The following RALYL variants were observed in gnomAD, a reference collection of about 807,000 sequenced individuals.
The protein encoded by RALYL is RALY RNA binding protein like.
In RALYL, 29 loss-of-function variants were observed where a neutral mutation model predicts 35.1. The ratio of observed to expected loss-of-function variants is 0.83; its 90% CI spans 0.61 to 1.13. The LOEUF (loss-of-function observed/expected upper bound fraction) is 1.13. Ranked by LOEUF, RALYL falls within the 50% of genes most tolerant of loss-of-function variation. The pLI is 0.00. For missense variants in RALYL, 359 were observed against 360.4 expected (o/e 1.00, Z 0.03); for synonymous variants, 120 against 127.6 (o/e 0.94, Z 0.40).
chr8:84,196,293 G>A (rs1815256691), intron 1 of RALYL, among the ~76,000 whole-genome samples: 1 of 152,092 alleles, frequency 6.6e-6, no homozygotes, highest in Non-Finnish European at 1.5e-5. Flanking sequence ...AGGGGAGAAA[G>A]GAAATGGAAG....
chr8:84,561,419 G>T lies in RALYL; in HGVS notation c.256+31842G>T, dbSNP rs558464790. 9.9e-5 allele frequency among the ~76,000 whole-genome samples: 15 copies of T among 151,964 alleles called. No individual in the cohort carries two copies. The South Asian group carries it at 3.1e-3, about 32-fold the overall frequency. On this transcript the variant is annotated intron_variant, in intron 2 of 8. Transcript: ENST00000521268. ...GTATGTTTAAAAATGAGGTCCGGTAGTCCCCCCTATCTGTGGCCAATATAT... is the reference window on the plus strand; with the variant it reads ...GTATGTTTAAAAATGAGGTCCGGTATTCCCCCCTATCTGTGGCCAATATAT...
At chr8:84,679,777 C>G (rs1194861582) in intron 2 of RALYL, 3 of 513,922 alleles carry the variant, frequency 5.8e-6, no homozygotes, top group Non-Finnish European at 7.8e-6. Context: ...ACTGATGAAG[C>G]CAGGGAAATT....
chr8:84,696,654 G>A (rs1213371513), intron 2 of RALYL, among the ~76,000 whole-genome samples: 1 of 151,178 alleles, frequency 6.6e-6, no homozygotes. Flanking sequence ...AACTAAAGAA[G>A]TTTTGAAAAT....
chr8:84,801,644 T>TATAG (rs942967786), intron 3 of RALYL, among the ~76,000 whole-genome samples: 58 of 152,300 alleles, frequency 3.8e-4, no homozygotes, highest in Admixed American at 1.3e-3. Context: ...AGTATTCTGG[T>TATAG]ATAGATATAT....
rs538290638 is a variant in RALYL at position 84,368,636 on chromosome 8, C to T, written c.-23-160663C>T. 3.9e-3 allele frequency among the ~76,000 whole-genome samples: 591 copies of T among 152,280 alleles called. 4 individuals carry two copies. Among genetic ancestry groups the T allele is most frequent in the Non-Finnish European group, 6.5e-3 (439 of 68,020 alleles). ...CGTGGCAGCAGACAAGATAAGAGAACTTGTGCAGGGAAATTTACTCCCCCT... is the reference window on the plus strand; with the variant it reads ...CGTGGCAGCAGACAAGATAAGAGAATTTGTGCAGGGAAATTTACTCCCCCT... On this transcript the variant is annotated intron_variant, in intron 1 of 8. Coordinates refer to ENST00000521268, the MANE Select transcript of RALYL (RefSeq NM_173848.7).
chr8:84,835,849 AT>A lies in RALYL; in HGVS notation c.366-14119del, dbSNP rs1417703642. ...AATGTCTCTGCCTGAGAGCAAGGAG[AT>A]TTTTTTTTTTTGCACCAGAGTAGAG... On this transcript the variant is annotated intron_variant, in intron 4 of 8. Transcript: ENST00000521268. Among the ~76,000 whole-genome samples the A allele has an allele frequency of 4.9e-3, 727 of 147,180 alleles. 4 individuals carry two copies. Among genetic ancestry groups the A allele is most frequent in the African/African-American group, 0.015 (605 of 40,524 alleles).
At chr8:84,367,643 T>C (rs117326965) in intron 1 of RALYL, among the ~76,000 whole-genome samples, 3,788 of 152,208 alleles carry the variant, frequency 0.025, 94 homozygotes, top group Non-Finnish European at 0.031. Flanking sequence ...TTTTTGAGAA[T>C]ATATTGATTT....
intron 2 of RALYL, among the ~76,000 whole-genome samples, chr8:84,722,157 T>C (rs1352839110): frequency 6.6e-6 from 1 of 152,122 alleles, no homozygotes; most frequent in Non-Finnish European, 1.5e-5. Context: ...AAAAAGCTAT[T>C]AGAATAATAC....
chr8:84,298,048 A>G (rs1357194233), intron 1 of RALYL, among the ~76,000 whole-genome samples: 2 of 151,860 alleles, frequency 1.3e-5, no homozygotes, highest in Admixed American at 6.6e-5. Flanking sequence ...ATTAGGTCCT[A>G]TTTGTTGATT....
At chr8:84,210,644 T>C (rs1260900806) in intron 1 of RALYL, among the ~76,000 whole-genome samples, 1 of 152,228 alleles carries the variant, frequency 6.6e-6, no homozygotes, top group Non-Finnish European at 1.5e-5. Flanking sequence ...TGTTTTATTT[T>C]ATACATTGGC....
At chr8:84,891,708 G>A (rs10097981) in intron 8 of RALYL, among the ~76,000 whole-genome samples, 69,691 of 152,036 alleles carry the variant, frequency 0.46, 18,993 homozygotes, top group African/African-American at 0.75. Flanking sequence ...CTTGCAATCC[G>A]GATTGAAACT....
intron 2 of RALYL, among the ~76,000 whole-genome samples, chr8:84,561,043 C>T (rs374546775): frequency 6.6e-6 from 1 of 152,026 alleles, no homozygotes; most frequent in African/African-American, 2.4e-5. Context: ...CCTGTCTTCA[C>T]TCATTAAGTT....
intron 2 of RALYL, among the ~76,000 whole-genome samples, chr8:84,666,298 AG>A (rs1167734713): frequency 2.6e-5 from 4 of 152,080 alleles, no homozygotes; most frequent in African/African-American, 9.7e-5. Context: ...CTATTGAAAA[AG>A]GGCCTTCATA....
intron 1 of RALYL, among the ~76,000 whole-genome samples, chr8:84,395,746 C>T (rs1861629441): frequency 6.6e-6 from 1 of 151,812 alleles, no homozygotes. Flanking sequence ...TTAAAATATA[C>T]TCTCTTTTTT....
chr8:84,760,747 A>G (rs1812486454), intron 2 of RALYL, among the ~76,000 whole-genome samples: 1 of 152,110 alleles, frequency 6.6e-6, no homozygotes, highest in African/African-American at 2.4e-5. Context: ...TCATAAAAGC[A>G]AAGAAGGGAG....
chr8:84,845,940 A>G (rs962527940), intron 4 of RALYL, among the ~76,000 whole-genome samples: 2 of 152,100 alleles, frequency 1.3e-5, no homozygotes, highest in Non-Finnish European at 2.9e-5. Context: ...CAGAGATTAG[A>G]TGGCTGTAGG....
intron 2 of RALYL, among the ~76,000 whole-genome samples, chr8:84,685,952 G>A (rs1006695984): frequency 1.3e-5 from 2 of 152,108 alleles, no homozygotes; most frequent in African/African-American, 4.8e-5. Context: ...GCAGATAGGT[G>A]TGGCTTATAA....
intron 1 of RALYL, among the ~76,000 whole-genome samples, chr8:84,442,560 G>A (rs1259379197): frequency 6.6e-6 from 1 of 152,116 alleles, no homozygotes; most frequent in Non-Finnish European, 1.5e-5. Flanking sequence ...AGATGGGATA[G>A]TTTCCATGAG....
intron 1 of RALYL, among the ~76,000 whole-genome samples, chr8:84,457,325 A>T (rs965116208): frequency 2.0e-5 from 3 of 151,990 alleles, no homozygotes; most frequent in Non-Finnish European, 4.4e-5. Context: ...TATAAATAAT[A>T]GAGTTCACTT....
Sources: allele counts gnomAD v4.1 joint callset (sites outside exome capture counted in the v4.1 genomes callset), GRCh38; gene constraint gnomAD v4.1.1; transcripts MANE v1.5; gene names NCBI Gene and HGNC (gene_info 2026-07-23, HGNC 2026-07-21).